KITLG: variants seen among roughly 807,000 people sequenced by gnomAD.
KITLG encodes KIT ligand, also known as c-Kit ligand.
KITLG carries 13 observed loss-of-function variants against 34.1 expected under a neutral mutation model. The observed-to-expected ratio is 0.38, with a 90% CI of 0.25 to 0.61. KITLG has a LOEUF of 0.61. Ranked by LOEUF, KITLG falls within the 20% of genes least tolerant of loss-of-function variation. The pLI is 0.60. For synonymous variants in KITLG, 110 were observed against 104.0 expected (o/e 1.06, Z -0.35); for missense variants, 292 against 318.9 (o/e 0.92, Z 0.64).
At position 88,516,346 on chromosome 12, in the gene KITLG, T is replaced by A; in HGVS notation, c.508A>T (p.Ser170Cys). ...TSDCVVSSTL[S>C]PEKDSRVSVT... ...TTACATGTCTTACCTTTCTCAGGACTTAATGTTGAAGAAACCACACAATCA... is the reference window on the plus strand; with the variant it reads ...TTACATGTCTTACCTTTCTCAGGACATAATGTTGAAGAAACCACACAATCA... The change falls in exon 5 of 10, where the codon AGT (serine) becomes TGT (cysteine). Residue 170 changes from serine to cysteine, a missense_variant. Transcript: ENST00000644744. 6.2e-7 allele frequency: 1 copy of A among 1,610,800 alleles called. No individual in the cohort carries two copies. The highest frequency in any genetic ancestry group is 8.5e-7 in the Non-Finnish European group (1 of 1,177,630).
intron 2 of KITLG, 136 bp downstream of exon 2, chr12:88,545,616 T>C (rs1351955709): frequency 1.6e-6 from 1 of 616,988 alleles, no homozygotes; most frequent in African/African-American, 1.8e-5. Flanking sequence ...CCCTTTATTG[T>C]AACCCAGTGA....
intron 3 of KITLG, among the ~76,000 whole-genome samples, chr12:88,527,135 TGA>T (rs750942964): frequency 2.6e-5 from 4 of 152,138 alleles, no homozygotes; most frequent in Non-Finnish European, 5.9e-5. Flanking sequence ...CCCAAAATGC[TGA>T]GATTACAGGC....
In KITLG at chr12:88,572,475, G is replaced by C. The variant is rs991905347; in HGVS notation, c.15+7789C>G. Reference sequence around the variant, plus strand: ...ACATTATTTTTAAAGTATTATTAAAGCATAGAGTACTGTGGCTTCAGTACA... The same window carrying C: ...ACATTATTTTTAAAGTATTATTAAACCATAGAGTACTGTGGCTTCAGTACA... On this transcript the variant is annotated intron_variant, in intron 1 of 9. Coordinates refer to ENST00000644744, the MANE Select transcript of KITLG (RefSeq NM_000899.5). Among the ~76,000 whole-genome samples the C allele has an allele frequency of 1.5e-4, 23 of 150,534 alleles. 1 individual carries two copies. The highest frequency in any genetic ancestry group is 7.0e-3 in the Middle Eastern group (2 of 286).
intron 2 of KITLG, among the ~76,000 whole-genome samples, chr12:88,534,291 T>C (rs1235432891): frequency 6.6e-6 from 1 of 152,164 alleles, no homozygotes. Flanking sequence ...CTCTGGGCAC[T>C]TGTTCTGGGT....
intron 2 of KITLG, among the ~76,000 whole-genome samples, chr12:88,538,893 G>C (rs1335012275): frequency 6.6e-6 from 1 of 152,124 alleles, no homozygotes; most frequent in African/African-American, 2.4e-5. Flanking sequence ...CAAGTTACTG[G>C]ATGATGAGCT....
chr12:88,543,101 G>C (rs948675203), intron 2 of KITLG, among the ~76,000 whole-genome samples: 1 of 151,912 alleles, frequency 6.6e-6, no homozygotes, highest in Admixed American at 6.6e-5. Context: ...GTAGTCCCAG[G>C]CACCTGTAAT....
intron 1 of KITLG, chr12:88,564,436 C>A (rs1219141571): frequency 6.6e-6 from 1 of 152,108 alleles, no homozygotes; most frequent in Non-Finnish European, 1.5e-5. Context: ...GAATAGGGAT[C>A]TACTTCCTCA....
At position 88,567,672 on chromosome 12, in the gene KITLG, A is replaced by G. The variant is rs367685623; in HGVS notation, c.15+12592T>C. 3.4e-4 allele frequency among the ~76,000 whole-genome samples: 52 copies of G among 152,340 alleles called. 1 individual carries two copies. The highest frequency in any genetic ancestry group is 1.1e-3 in the African/African-American group (46 of 41,592). On this transcript the variant is annotated intron_variant, in intron 1 of 9. Transcript: ENST00000644744. Reference sequence around the variant, plus strand: ...AACACATGCAAAAAAAATAAAAACAACAAACGAACAACCTTTGAATGCAAA... The same window carrying G: ...AACACATGCAAAAAAAATAAAAACAGCAAACGAACAACCTTTGAATGCAAA...
At chr12:88,541,246 G>A (rs1870507558) in intron 2 of KITLG, among the ~76,000 whole-genome samples, 3 of 152,068 alleles carry the variant, frequency 2.0e-5, no homozygotes, top group Admixed American at 6.6e-5. Flanking sequence ...ACAAGACCAG[G>A]AAGACAATAG....
intron 1 of KITLG, among the ~76,000 whole-genome samples, chr12:88,579,280 G>A (rs1457611511): frequency 6.6e-6 from 1 of 152,110 alleles, no homozygotes; most frequent in Non-Finnish European, 1.5e-5. Flanking sequence ...TTCAGGAACT[G>A]CAATCTCCAA....
At chr12:88,516,696 G>C (rs1433527111) in intron 4 of KITLG, among the ~76,000 whole-genome samples, 1 of 151,626 alleles carries the variant, frequency 6.6e-6, no homozygotes, top group Non-Finnish European at 1.5e-5. Flanking sequence ...ATCTGGGGCA[G>C]TGAACACAAT....
chr12:88,527,943 CT>C (rs1869940982), intron 3 of KITLG, among the ~76,000 whole-genome samples: 1 of 152,136 alleles, frequency 6.6e-6, no homozygotes, highest in African/African-American at 2.4e-5. Flanking sequence ...CTGAGGAAAT[CT>C]TAAAGGAGAC....
In KITLG at chr12:88,496,764, T is replaced by G. The variant is rs572815935; in HGVS notation, c.*455A>C. The stretch of plus-strand genomic sequence containing the variant: ...TTTTCCAGATCCCTTTGAGAAAAAT[T>G]GTTACCCTCACTATCCAAGCTGAAA... On this transcript the variant is annotated 3_prime_UTR_variant, in exon 10 of 10. Coordinates refer to ENST00000644744, the MANE Select transcript of KITLG (RefSeq NM_000899.5). The G allele has an allele frequency of 6.5e-6, 1 of 153,364 alleles. No homozygotes were observed. The highest frequency in any genetic ancestry group is 6.5e-5 in the Admixed American group (1 of 15,310). The allele number at this position is 153,364 out of a possible 1,614,324, so 9.5% of individuals were successfully genotyped here. A position where few individuals can be genotyped will look rare whatever the true frequency, so the allele number is the denominator to read the frequency against.
chr12:88,514,241 G>A (rs970421863), intron 6 of KITLG, among the ~76,000 whole-genome samples: 1 of 151,578 alleles, frequency 6.6e-6, no homozygotes, highest in Non-Finnish European at 1.5e-5. Context: ...TAAAATCAAT[G>A]ATCTAATTTT....
At position 88,580,432 on chromosome 12, in the gene KITLG, C is replaced by G. The variant is rs1871980036; in HGVS notation, c.-154G>C. 3 of 910,530 alleles carry G rather than the reference C, an allele frequency of 3.3e-6. No homozygotes were observed. The highest frequency in any genetic ancestry group is 1.7e-6 in the Non-Finnish European group (1 of 575,942). The allele number at this position is 910,530 out of a possible 1,614,324, so 56.4% of individuals were successfully genotyped here. A position where few individuals can be genotyped will look rare whatever the true frequency, so the allele number is the denominator to read the frequency against. On this transcript the variant is annotated 5_prime_UTR_variant, in exon 1 of 10. Coordinates refer to ENST00000644744, the MANE Select transcript of KITLG (RefSeq NM_000899.5). Reference sequence around the variant, plus strand: ...CGCCCTCTCCACTGTCCCTGCTTCCCGCAGCGCTTCTAGTCTCGGCGCGAG... The same window carrying G: ...CGCCCTCTCCACTGTCCCTGCTTCCGGCAGCGCTTCTAGTCTCGGCGCGAG...
intron 1 of KITLG, among the ~76,000 whole-genome samples, chr12:88,573,842 A>G (rs1438294627): frequency 5.9e-5 from 9 of 152,142 alleles, no homozygotes; most frequent in African/African-American, 1.9e-4. Context: ...GTCCTTTTAC[A>G]TGGTCACCCT....
intron 3 of KITLG, among the ~76,000 whole-genome samples, chr12:88,525,453 AT>A (rs1452209281): frequency 2.0e-5 from 3 of 152,162 alleles, no homozygotes; most frequent in Non-Finnish European, 4.4e-5. Flanking sequence ...TATGCATTGG[AT>A]TGTCTAAAGA....
chr12:88,534,922 C>A (rs1453167292), intron 2 of KITLG, among the ~76,000 whole-genome samples: 2 of 152,088 alleles, frequency 1.3e-5, no homozygotes, highest in Non-Finnish European at 2.9e-5. Context: ...GATAAGTAAG[C>A]AGCAATATTC....
intron 1 of KITLG, among the ~76,000 whole-genome samples, chr12:88,561,821 T>C (rs1442296041): frequency 6.6e-6 from 1 of 152,246 alleles, no homozygotes; most frequent in Admixed American, 6.5e-5. Context: ...AAGCCCTTTG[T>C]ACTTGCTGCT....
Sources: gnomAD v4.1 joint callset for allele counts (sites outside exome capture counted in the v4.1 genomes callset) on GRCh38, gnomAD v4.1.1 for gene constraint, MANE v1.5 for transcripts, NCBI Gene and HGNC (gene_info 2026-07-23, HGNC 2026-07-21) for gene names.